The following GALNTL6 variants were observed in gnomAD, a reference collection of about 807,000 sequenced individuals.
GALNTL6 encodes the protein polypeptide N-acetylgalactosaminyltransferase-like 6.
In GALNTL6, 46 loss-of-function variants were observed where a neutral mutation model predicts 73.7. The ratio of observed to expected loss-of-function variants is 0.62; its 90% CI spans 0.49 to 0.80. The LOEUF (loss-of-function observed/expected upper bound fraction) is 0.80, where lower values mean the gene tolerates loss of function less well. GALNTL6 is among the 30% of genes least tolerant of loss of function. GALNTL6 has a pLI of 0.00. For synonymous variants in GALNTL6, 259 were observed against 263.7 expected (o/e 0.98, Z 0.17); for missense variants, 604 against 755.0 (o/e 0.80, Z 2.34).
chr4:171,874,407 C>T (rs891134333), intron 2 of GALNTL6, among the ~76,000 whole-genome samples: 1 of 152,080 alleles, frequency 6.6e-6, no homozygotes, highest in African/African-American at 2.4e-5. Context: ...CCAGGCTGGT[C>T]TTGAACTCCT....
intron 5 of GALNTL6, among the ~76,000 whole-genome samples, chr4:172,396,996 T>A (rs1477929845): frequency 1.3e-5 from 2 of 152,172 alleles, no homozygotes; most frequent in African/African-American, 4.8e-5. Context: ...TACCATTATA[T>A]CTATCTTACA....
chr4:172,580,765 G>GTTTTT (rs1737149662), intron 5 of GALNTL6, among the ~76,000 whole-genome samples: 2 of 152,068 alleles, frequency 1.3e-5, no homozygotes, highest in Admixed American at 1.3e-4. Flanking sequence ...GTTTTGTTTT[G>GTTTTT]TTTTAATTTT....
intron 3 of GALNTL6, 52 bp downstream of exon 3, chr4:172,229,816 A>C: frequency 4.3e-4 from 460 of 1,057,642 alleles, no homozygotes; most frequent in Non-Finnish European, 6.2e-4. Context: ...GCAGTGTCTC[A>C]TTTGTCACGT....
chr4:172,202,667 C>T (rs1387458308), intron 2 of GALNTL6, among the ~76,000 whole-genome samples: 1 of 152,026 alleles, frequency 6.6e-6, no homozygotes, highest in East Asian at 1.9e-4. Context: ...CATCTAGTGG[C>T]AGTGTCCTTG....
intron 8 of GALNTL6, among the ~76,000 whole-genome samples, chr4:172,907,417 A>C (rs1048218108): frequency 6.6e-6 from 1 of 152,226 alleles, no homozygotes; most frequent in Non-Finnish European, 1.5e-5. Flanking sequence ...ACATCAAATT[A>C]AGTTGAGCTT....
intron 2 of GALNTL6, among the ~76,000 whole-genome samples, chr4:171,869,841 A>G (rs1736086359): frequency 6.6e-6 from 1 of 151,894 alleles, no homozygotes; most frequent in African/African-American, 2.4e-5. Flanking sequence ...TGCTTGGCTC[A>G]TTCTCTCTTG....
At chr4:171,864,554 A>G (rs1560818706) in intron 2 of GALNTL6, among the ~76,000 whole-genome samples, 1 of 152,230 alleles carries the variant, frequency 6.6e-6, no homozygotes. Context: ...TGATAGTCAT[A>G]CCACACAGAA....
chr4:172,027,570 C>T (rs9790843), intron 2 of GALNTL6, among the ~76,000 whole-genome samples: 151,786 of 152,132 alleles, frequency 1, 75,720 homozygotes, highest in Middle Eastern at 1. Flanking sequence ...ACCAACGATA[C>T]TGAAATTAGT....
chr4:172,800,637 T>G (rs911015192), intron 5 of GALNTL6, among the ~76,000 whole-genome samples: 1 of 152,148 alleles, frequency 6.6e-6, no homozygotes, highest in Non-Finnish European at 1.5e-5. Flanking sequence ...CTATTTTTTT[T>G]GCAATACATA....
chr4:172,495,953 ACT>A (rs1274477341), intron 5 of GALNTL6, among the ~76,000 whole-genome samples: 1 of 152,144 alleles, frequency 6.6e-6, no homozygotes, highest in Non-Finnish European at 1.5e-5. Flanking sequence ...TTATCAAAAC[ACT>A]CTGAGAACCT....
chr4:172,616,532 CT>C lies in GALNTL6; in HGVS notation c.554-192812del, dbSNP rs56070364. 6.7e-3 allele frequency among the ~76,000 whole-genome samples: 791 copies of C among 117,360 alleles called. 2 individuals carry two copies. Among genetic ancestry groups the C allele is most frequent in the South Asian group, 0.02 (68 of 3,484 alleles). The allele number at this position is 117,360 out of a possible 152,430, so 77.0% of individuals were successfully genotyped here. A position where few individuals can be genotyped will look rare whatever the true frequency, so the allele number is the denominator to read the frequency against. On this transcript the variant is annotated intron_variant, in intron 5 of 12. Coordinates refer to ENST00000506823, the MANE Select transcript of GALNTL6 (RefSeq NM_001034845.3). ...GCAAAGTTGGCAGAAAATCCATACT[CT>C]TTTTTTTTTTTTTTTTGCAAAGTTT... is the stretch of plus-strand genomic sequence containing the variant.
intron 8 of GALNTL6, 147 bp downstream of exon 8, chr4:172,883,054 T>C: frequency 3.7e-6 from 2 of 535,060 alleles, no homozygotes; most frequent in East Asian, 6.4e-5. Flanking sequence ...TGTAGTTTCT[T>C]TCTTTTTTGG....
At chr4:172,431,439 GC>G (rs1246652480) in intron 5 of GALNTL6, among the ~76,000 whole-genome samples, 2 of 152,000 alleles carry the variant, frequency 1.3e-5, no homozygotes, top group African/African-American at 2.4e-5. Context: ...TCACAAAATG[GC>G]TATTTACACC....
intron 5 of GALNTL6, among the ~76,000 whole-genome samples, chr4:172,697,298 C>T (rs1733756774): frequency 6.6e-6 from 1 of 152,128 alleles, no homozygotes; most frequent in Non-Finnish European, 1.5e-5. Context: ...GGTCATTACC[C>T]TGGATGCATC....
At chr4:172,358,087 A>G (rs1310668249) in intron 5 of GALNTL6, among the ~76,000 whole-genome samples, 1 of 152,178 alleles carries the variant, frequency 6.6e-6, no homozygotes, top group Non-Finnish European at 1.5e-5. Flanking sequence ...TTATTTTACA[A>G]TACTGAGTAT....
At chr4:172,850,876 G>T (rs1258842006) in intron 7 of GALNTL6, among the ~76,000 whole-genome samples, 1 of 152,152 alleles carries the variant, frequency 6.6e-6, no homozygotes, top group Non-Finnish European at 1.5e-5. Flanking sequence ...CAAATTAAAA[G>T]ATGTGTAGGG....
At chr4:172,343,629 G>T (rs1036279972) in intron 4 of GALNTL6, among the ~76,000 whole-genome samples, 3 of 152,014 alleles carry the variant, frequency 2.0e-5, no homozygotes, top group Non-Finnish European at 4.4e-5. Flanking sequence ...CTGTTGAACT[G>T]TATTTTAAAA....
chr4:172,614,027 G>A (rs1392806068), intron 5 of GALNTL6, among the ~76,000 whole-genome samples: 1 of 152,050 alleles, frequency 6.6e-6, no homozygotes, highest in African/African-American at 2.4e-5. Flanking sequence ...GGGAAACCTA[G>A]ATGGCCTATC....
chr4:172,633,913 T>A (rs1174471957), intron 5 of GALNTL6, among the ~76,000 whole-genome samples: 1 of 152,226 alleles, frequency 6.6e-6, no homozygotes, highest in Non-Finnish European at 1.5e-5. Flanking sequence ...CCATATAAGA[T>A]GTAACTTTGC....
Sources: gnomAD v4.1 joint callset for allele counts (sites outside exome capture counted in the v4.1 genomes callset) on GRCh38, gnomAD v4.1.1 for gene constraint, MANE v1.5 for transcripts, NCBI Gene and HGNC (gene_info 2026-07-23, HGNC 2026-07-21) for gene names.